PFDN1: variants seen among roughly 807,000 people sequenced by gnomAD.
PFDN1 encodes the protein prefoldin 1.
Under a neutral mutation model 17.3 loss-of-function variants are expected in PFDN1, and 6 were observed. That is an observed-to-expected ratio of 0.35 (90% CI 0.19 to 0.69). The LOEUF is 0.69. Among genes scored for constraint, PFDN1 ranks in the 30% least tolerant of loss-of-function variants. PFDN1 has a pLI of 0.65. For missense variants in PFDN1, 113 were observed against 146.2 expected (o/e 0.77, Z 1.17); for synonymous variants, 58 against 50.1 (o/e 1.16, Z -0.67).
chr5:140,274,098 A>T (rs1409019284), intron 3 of PFDN1, among the ~76,000 whole-genome samples: 1 of 152,220 alleles, frequency 6.6e-6, no homozygotes. Context: ...TAACTGCAAA[A>T]GAGGCCCATT....
intron 3 of PFDN1, among the ~76,000 whole-genome samples, chr5:140,270,915 G>A (rs1053138589): frequency 1.3e-5 from 2 of 151,968 alleles, no homozygotes; most frequent in East Asian, 3.9e-4. Context: ...GACAGAGCAA[G>A]ACTCCGTCTC....
At position 140,245,700 on chromosome 5, in the gene PFDN1, T is replaced by C. The variant is rs1764819023; in HGVS notation, c.*274A>G. Reference sequence around the variant, plus strand: ...AGTGGAAAGCTCAGGCAGAGCTTCCTATCTTGCCCTGGCTCCCATCTTCCC... The same window carrying C: ...AGTGGAAAGCTCAGGCAGAGCTTCCCATCTTGCCCTGGCTCCCATCTTCCC... On this transcript the variant is annotated 3_prime_UTR_variant, in exon 4 of 4. Transcript: ENST00000261813. 1.6e-6 allele frequency: 1 copy of C among 619,842 alleles called. No individual in the cohort carries two copies. Among genetic ancestry groups the C allele is most frequent in the South Asian group, 1.9e-5 (1 of 52,628 alleles). The allele number at this position is 619,842 out of a possible 1,614,324, so 38.4% of individuals were successfully genotyped here. A position where few individuals can be genotyped will look rare whatever the true frequency, so the allele number is the denominator to read the frequency against.
intron 3 of PFDN1, among the ~76,000 whole-genome samples, chr5:140,265,346 GCTA>G (rs1765120988): frequency 6.6e-6 from 1 of 152,150 alleles, no homozygotes. Context: ...CTGTGGTCCT[GCTA>G]CAGTGACCCA....
intron 3 of PFDN1, among the ~76,000 whole-genome samples, chr5:140,259,458 A>T (rs1765033664): frequency 6.6e-6 from 1 of 152,230 alleles, no homozygotes; most frequent in African/African-American, 2.4e-5. Context: ...TTTTGCCAAC[A>T]TCAAAAAGTC....
At chr5:140,288,814 G>A (rs747148198) in intron 2 of PFDN1, among the ~76,000 whole-genome samples, 2 of 151,408 alleles carry the variant, frequency 1.3e-5, no homozygotes, top group Admixed American at 6.6e-5. Context: ...ACAAAACTCC[G>A]TCTCTACTAA....
intron 2 of PFDN1, among the ~76,000 whole-genome samples, chr5:140,293,572 C>T (rs1276330547): frequency 1.3e-5 from 2 of 151,912 alleles, no homozygotes; most frequent in African/African-American, 4.8e-5. Flanking sequence ...AATCTTTAGA[C>T]TGGGGCATAT....
intron 1 of PFDN1, 84 bp downstream of exon 1, chr5:140,302,957 G>C (rs1765770264): frequency 2.0e-6 from 2 of 978,718 alleles, no homozygotes; most frequent in Admixed American, 3.4e-5. Context: ...CTTCTGCAAG[G>C]CTCGTGCCTC....
chr5:140,247,284 C>T (rs930604936), intron 3 of PFDN1, among the ~76,000 whole-genome samples: 5 of 151,670 alleles, frequency 3.3e-5, no homozygotes, highest in African/African-American at 9.7e-5. Context: ...CCACCATGCC[C>T]GGCTAATTTT....
intron 3 of PFDN1, among the ~76,000 whole-genome samples, chr5:140,271,743 T>G (rs1328818461): frequency 2.0e-5 from 3 of 151,982 alleles, no homozygotes; most frequent in Non-Finnish European, 4.4e-5. Flanking sequence ...AGATAAATTG[T>G]GGTACTTCTA....
intron 2 of PFDN1, among the ~76,000 whole-genome samples, chr5:140,282,551 C>T (rs978319106): frequency 6.6e-6 from 1 of 152,042 alleles, no homozygotes; most frequent in Non-Finnish European, 1.5e-5. Flanking sequence ...TTATTATTTC[C>T]AGAGTGTATA....
intron 2 of PFDN1, among the ~76,000 whole-genome samples, chr5:140,297,204 G>A (rs923506136): frequency 3.3e-5 from 5 of 151,982 alleles, no homozygotes; most frequent in East Asian, 1.9e-4. Context: ...ATTTTATTAC[G>A]GTTTTAAAAT....
At chr5:140,286,225 A>G (rs1376291812) in intron 2 of PFDN1, among the ~76,000 whole-genome samples, 1 of 151,694 alleles carries the variant, frequency 6.6e-6, no homozygotes, top group Non-Finnish European at 1.5e-5. Flanking sequence ...CGCCTGGCCA[A>G]CATGGTGAAA....
chr5:140,268,256 A>G (rs967199545), intron 3 of PFDN1, among the ~76,000 whole-genome samples: 2 of 152,246 alleles, frequency 1.3e-5, no homozygotes, highest in Non-Finnish European at 2.9e-5. Flanking sequence ...TAAGATAAAA[A>G]TGGTAAAAGC....
At chr5:140,271,740 T>C (rs1324994128) in intron 3 of PFDN1, among the ~76,000 whole-genome samples, 1 of 151,976 alleles carries the variant, frequency 6.6e-6, no homozygotes, top group African/African-American at 2.4e-5. Context: ...GATAGATAAA[T>C]TGTGGTACTT....
chr5:140,293,795 C>G (rs901364978), intron 2 of PFDN1, among the ~76,000 whole-genome samples: 2 of 152,002 alleles, frequency 1.3e-5, no homozygotes, highest in Non-Finnish European at 2.9e-5. Context: ...AATCTCCTCT[C>G]CCCAGAGTAC....
Position 140,281,553 on chromosome 5 carries a change from T to C in PFDN1, c.201-20A>G, listed in dbSNP as rs1312840380. The C allele has an allele frequency of 2.3e-6, 3 of 1,318,760 alleles. No individual in the cohort carries two copies. The East Asian group carries it at 6.9e-5, about 30-fold the overall frequency. 81.7% of individuals were successfully genotyped at this position (1,318,760 alleles called of 1,614,324 possible). Reference sequence around the variant, plus strand: ...ATAAACCTATGAAACACAAGAAAGTTGAAAATTAAGCCACATGACTATTGA... The same window carrying C: ...ATAAACCTATGAAACACAAGAAAGTCGAAAATTAAGCCACATGACTATTGA... On this transcript the variant is annotated intron_variant, in intron 2 of 3. Coordinates refer to ENST00000261813, the MANE Select transcript of PFDN1 (RefSeq NM_002622.5).
intron 3 of PFDN1, among the ~76,000 whole-genome samples, chr5:140,261,177 AAAAAG>A (rs1477292403): frequency 1.3e-5 from 2 of 151,764 alleles, no homozygotes; most frequent in African/African-American, 4.8e-5. Context: ...AAAAAAAAAA[AAAAAG>A]AAAGGATATT....
intron 1 of PFDN1, among the ~76,000 whole-genome samples, chr5:140,301,984 C>G (rs1395648868): frequency 6.6e-6 from 1 of 152,110 alleles, no homozygotes; most frequent in Non-Finnish European, 1.5e-5. Flanking sequence ...ACAAGAAGAA[C>G]AAAAGCAAGA....
At chr5:140,251,061 A>G (rs184230446) in intron 3 of PFDN1, among the ~76,000 whole-genome samples, 123 of 152,168 alleles carry the variant, frequency 8.1e-4, no homozygotes, top group African/African-American at 2.8e-3. Context: ...CAGCCTCCCG[A>G]GTAGCTGAGG....
Sources: gnomAD v4.1 joint callset for allele counts (sites outside exome capture counted in the v4.1 genomes callset) on GRCh38, gnomAD v4.1.1 for gene constraint, MANE v1.5 for transcripts, NCBI Gene and HGNC (gene_info 2026-07-23, HGNC 2026-07-21) for gene names.